PLXDC2: variants seen among roughly 807,000 people sequenced by gnomAD.
The protein encoded by PLXDC2 is plexin domain containing 2, also known as plexin domain-containing protein 2.
Under a neutral mutation model 68.9 loss-of-function variants are expected in PLXDC2, and 40 were observed. The observed-to-expected ratio is 0.58, with a 90% CI of 0.45 to 0.76. PLXDC2 has a LOEUF of 0.76. Among genes scored for constraint, PLXDC2 ranks in the 30% least tolerant of loss-of-function variants. PLXDC2 has a pLI of 0.00. For synonymous variants in PLXDC2, 243 were observed against 234.2 expected, an observed-to-expected ratio of 1.04 and a Z score of -0.34; for missense variants, 644 against 661.9, an observed-to-expected ratio of 0.97 and a Z score of 0.30.
rs190521063 is a variant in PLXDC2 at position 19,929,886 on chromosome 10, C to G, written c.113-71889C>G. Among the ~76,000 whole-genome samples the G allele has an allele frequency of 2.6e-5, 4 of 152,332 alleles. No individual in the cohort carries two copies. In the East Asian group the frequency reaches 7.7e-4, roughly 29 times the overall value. ...CCAGAAAATCACTTTGTAGGTGGAA[C>G]TGTGGTAGTGCCTGTTATTCTGAAA... On this transcript the variant is annotated intron_variant, in intron 1 of 13. Transcript: ENST00000377252.
intron 4 of PLXDC2, among the ~76,000 whole-genome samples, chr10:20,109,133 G>A (rs935876331): frequency 2.0e-5 from 3 of 152,134 alleles, no homozygotes; most frequent in South Asian, 2.1e-4. Context: ...AGGCGGTTAC[G>A]ATATTTATTT....
rs1836066965 is a variant in PLXDC2, at chr10:20,280,411, C to T, written c.*592C>T. 1 of 152,318 alleles carries T rather than the reference C, an allele frequency of 6.6e-6. No homozygotes were observed. Among genetic ancestry groups the T allele is most frequent in the Admixed American group, 6.5e-5 (1 of 15,280 alleles). The allele number at this position is 152,318 out of a possible 1,614,324, so 9.4% of individuals were successfully genotyped here. A position where few individuals can be genotyped will look rare whatever the true frequency, so the allele number is the denominator to read the frequency against. On this transcript the variant is annotated 3_prime_UTR_variant, in exon 14 of 14. Transcript: ENST00000377252. Reference sequence around the variant, plus strand: ...TCTGGTCTAGATCCATCTGTACCAACAAGTTCATCACTTTACAGAACGAAT... The same window carrying T: ...TCTGGTCTAGATCCATCTGTACCAATAAGTTCATCACTTTACAGAACGAAT...
At chr10:19,858,608 A>T (rs1433191534) in intron 1 of PLXDC2, among the ~76,000 whole-genome samples, 1 of 152,192 alleles carries the variant, frequency 6.6e-6, no homozygotes. Flanking sequence ...CATCTAAATG[A>T]AATTAGCTGC....
intron 3 of PLXDC2, among the ~76,000 whole-genome samples, chr10:20,063,635 G>A (rs1380546987): frequency 1.3e-5 from 2 of 152,224 alleles, no homozygotes; most frequent in Non-Finnish European, 2.9e-5. Context: ...AAAATGGATA[G>A]CAATTAACAT....
At chr10:20,163,485 G>A (rs1834333861) in intron 6 of PLXDC2, among the ~76,000 whole-genome samples, 1 of 151,628 alleles carries the variant, frequency 6.6e-6, no homozygotes, top group Non-Finnish European at 1.5e-5. Context: ...TTGTTATGCT[G>A]TTTATTATGG....
intron 1 of PLXDC2, among the ~76,000 whole-genome samples, chr10:19,947,270 G>A (rs1420442645): frequency 1.3e-5 from 2 of 152,298 alleles, no homozygotes; most frequent in East Asian, 3.9e-4. Flanking sequence ...CTCCAAAACT[G>A]TATGGTAAGA....
chr10:20,085,823 A>G (rs930024021), intron 4 of PLXDC2, among the ~76,000 whole-genome samples: 9 of 152,194 alleles, frequency 5.9e-5, no homozygotes, highest in African/African-American at 1.9e-4. Flanking sequence ...CTGCCTTTAT[A>G]TAACATCTGG....
At chr10:20,243,546 G>A (rs1169367669) in intron 12 of PLXDC2, among the ~76,000 whole-genome samples, 1 of 152,112 alleles carries the variant, frequency 6.6e-6, no homozygotes, top group African/African-American at 2.4e-5. Context: ...ACGTAGAGGG[G>A]AGGTGGAAAG....
chr10:19,876,964 C>T (rs1179733097), intron 1 of PLXDC2, among the ~76,000 whole-genome samples: 2 of 152,016 alleles, frequency 1.3e-5, no homozygotes, highest in African/African-American at 4.8e-5. Context: ...TAATATTAGC[C>T]ATAGATTGCC....
chr10:19,918,419 A>T (rs1335984724), intron 1 of PLXDC2, among the ~76,000 whole-genome samples: 1 of 152,198 alleles, frequency 6.6e-6, no homozygotes, highest in Non-Finnish European at 1.5e-5. Context: ...TCCATTCTCT[A>T]CATTAAGGGA....
chr10:19,846,943 G>A (rs983633012), intron 1 of PLXDC2, among the ~76,000 whole-genome samples: 11 of 152,198 alleles, frequency 7.2e-5, no homozygotes, highest in Middle Eastern at 3.4e-3. Flanking sequence ...ACACGGCAGC[G>A]GGCAAGAGAG....
chr10:19,871,638 G>T (rs1380613115), intron 1 of PLXDC2, among the ~76,000 whole-genome samples: 1 of 152,058 alleles, frequency 6.6e-6, no homozygotes, highest in Non-Finnish European at 1.5e-5. Context: ...CCAGCACTTT[G>T]GGAGGCTGAG....
At chr10:20,200,945 G>T (rs1347411392) in intron 9 of PLXDC2, among the ~76,000 whole-genome samples, 2 of 152,036 alleles carry the variant, frequency 1.3e-5, no homozygotes, top group Non-Finnish European at 2.9e-5. Context: ...ATGTAAACTG[G>T]TACAGCCGCT....
At chr10:19,817,707 G>A (rs1402460702) in intron 1 of PLXDC2, among the ~76,000 whole-genome samples, 1 of 152,166 alleles carries the variant, frequency 6.6e-6, no homozygotes, top group Non-Finnish European at 1.5e-5. Context: ...CTAGTGACCT[G>A]GGCCAAGCGG....
intron 1 of PLXDC2, among the ~76,000 whole-genome samples, chr10:19,971,664 TC>T (rs2131612051): frequency 6.6e-6 from 1 of 152,314 alleles, no homozygotes; most frequent in Non-Finnish European, 1.5e-5. Flanking sequence ...ACTGTGTTGT[TC>T]TAGACTTTTC....
intron 2 of PLXDC2, among the ~76,000 whole-genome samples, chr10:20,028,636 C>T (rs1039620228): frequency 3.3e-5 from 5 of 152,146 alleles, no homozygotes; most frequent in African/African-American, 1.2e-4. Context: ...CCTTCAGGGT[C>T]GTTTCTGAGT....
intron 1 of PLXDC2, among the ~76,000 whole-genome samples, chr10:19,827,232 T>C (rs1836588956): frequency 6.6e-6 from 1 of 152,214 alleles, no homozygotes; most frequent in Non-Finnish European, 1.5e-5. Flanking sequence ...GGGGAACCCA[T>C]AATTATCCTT....
chr10:19,927,704 G>GA (rs1263308279), intron 1 of PLXDC2, among the ~76,000 whole-genome samples: 3 of 21,894 alleles, frequency 1.4e-4, no homozygotes, highest in African/African-American at 7.7e-4. Flanking sequence ...CCATCTCAAG[G>GA]AAAAAAAGCA....
intron 10 of PLXDC2, among the ~76,000 whole-genome samples, chr10:20,212,394 T>C (rs1835080851): frequency 6.6e-6 from 1 of 152,102 alleles, no homozygotes; most frequent in Admixed American, 6.6e-5. Context: ...TGCAGTGAAG[T>C]CGTGTAAGCA....
Sources: gnomAD v4.1 joint callset for allele counts (sites outside exome capture counted in the v4.1 genomes callset) on GRCh38, gnomAD v4.1.1 for gene constraint, MANE v1.5 for transcripts, NCBI Gene and HGNC (gene_info 2026-07-23, HGNC 2026-07-21) for gene names.